The following TRHDE variants were observed in gnomAD, a reference collection of about 807,000 sequenced individuals.
TRHDE encodes thyrotropin-releasing hormone-degrading ectoenzyme.
In TRHDE, 72 loss-of-function variants were observed where a neutral mutation model predicts 125.7. The observed-to-expected ratio is 0.57, with a 90% CI of 0.47 to 0.70. TRHDE has a LOEUF of 0.70. Ranked by LOEUF, TRHDE falls within the 30% of genes least tolerant of loss-of-function variation. TRHDE has a pLI of 0.00. For synonymous variants in TRHDE, 509 were observed against 509.1 expected (o/e 1.00, Z 0.00); for missense variants, 1,110 against 1,327.1 (o/e 0.84, Z 2.54).
chr12:72,375,371 A>G (rs781477763), intron 2 of TRHDE, among the ~76,000 whole-genome samples: 1 of 152,170 alleles, frequency 6.6e-6, no homozygotes, highest in Admixed American at 6.6e-5. Context: ...TGTGCTGAAC[A>G]TGTATATGTT....
At chr12:72,561,607 A>T (rs1485677619) in intron 7 of TRHDE, among the ~76,000 whole-genome samples, 2 of 152,174 alleles carry the variant, frequency 1.3e-5, no homozygotes, top group Admixed American at 6.5e-5. Context: ...ACTTTTTCTT[A>T]TCAAATATTA....
chr12:72,211,515 T>A (rs528647643), intron 2 of TRHDE, among the ~76,000 whole-genome samples: 36 of 152,204 alleles, frequency 2.4e-4, no homozygotes, highest in Non-Finnish European at 4.3e-4. Context: ...AAGCTTTTGA[T>A]AATTTAATCA....
chr12:72,262,865 T>G (rs545575370), intron 2 of TRHDE: 2 of 152,098 alleles, frequency 1.3e-5, no homozygotes, highest in African/African-American at 2.4e-5. Flanking sequence ...CTTTTCCACA[T>G]TGAAAGATTA....
chr12:72,177,824 G>A (rs945076955), intron 2 of TRHDE, among the ~76,000 whole-genome samples: 4 of 151,976 alleles, frequency 2.6e-5, no homozygotes, highest in African/African-American at 9.7e-5. Flanking sequence ...ACTTATGAAA[G>A]TAATGATTGG....
At chr12:72,261,812 A>G (rs1878956782) in intron 2 of TRHDE, among the ~76,000 whole-genome samples, 1 of 152,234 alleles carries the variant, frequency 6.6e-6, no homozygotes, top group Non-Finnish European at 1.5e-5. Context: ...CTGGGAATTG[A>G]AAAATTCAAA....
intron 2 of TRHDE, among the ~76,000 whole-genome samples, chr12:72,208,074 G>C (rs913349451): frequency 6.6e-6 from 1 of 152,154 alleles, no homozygotes; most frequent in Admixed American, 6.5e-5. Context: ...TACTAGGCCT[G>C]TGTAAATCGT....
At chr12:72,391,834 A>G (rs1456760164) in intron 3 of TRHDE, among the ~76,000 whole-genome samples, 1 of 152,158 alleles carries the variant, frequency 6.6e-6, no homozygotes, top group Admixed American at 6.5e-5. Flanking sequence ...ATTTGGGCAT[A>G]ATTTCTTATA....
At chr12:72,488,843 CAG>C (rs1268794709) in intron 5 of TRHDE, among the ~76,000 whole-genome samples, 1 of 151,642 alleles carries the variant, frequency 6.6e-6, no homozygotes, top group African/African-American at 2.4e-5. Flanking sequence ...AAATCAATAA[CAG>C]ATAATTGTGA....
At chr12:72,263,344 T>C (rs964872117) in intron 2 of TRHDE, 2 of 150,554 alleles carry the variant, frequency 1.3e-5, no homozygotes, top group African/African-American at 4.9e-5. Context: ...TCAAAACTTT[T>C]TCATGGTCCC....
chr12:72,261,081 A>C lies in TRHDE; in HGVS notation n.280-116914A>C, dbSNP rs1180813757. On this transcript the variant is annotated intron_variant and non_coding_transcript_variant, in intron 2 of 4. Coordinates refer to the TRHDE transcript ENST00000548156. The stretch of plus-strand genomic sequence containing the variant: ...TTATGTATTTGAAATGCACAGTTTA[A>C]GAAAGATTTAGATTAAAATTTTAGA... Among the ~76,000 whole-genome samples, 4 of 152,332 alleles carry C rather than the reference A, an allele frequency of 2.6e-5. No individual in the cohort carries two copies. The East Asian group carries it at 7.7e-4, about 29-fold the overall frequency.
chr12:72,512,564 TATA>T (rs1477372125), intron 6 of TRHDE, among the ~76,000 whole-genome samples: 17 of 140,266 alleles, frequency 1.2e-4, no homozygotes, highest in African/African-American at 1.8e-4. Context: ...TCATATATAA[TATA>T]ATATATAATC....
At chr12:72,271,160 A>G (rs1198489831), upstream of TRHDE, among the ~76,000 whole-genome samples, 1 of 152,256 alleles carries the variant, frequency 6.6e-6, no homozygotes, top group Non-Finnish European at 1.5e-5. Flanking sequence ...TGGGGAAAAC[A>G]TCACCTTGCT....
rs143920164 is a variant in TRHDE at position 72,662,286 on chromosome 12, A to G, written c.3067-766A>G. On this transcript the variant is annotated intron_variant, in intron 18 of 18. Coordinates refer to ENST00000261180, the MANE Select transcript of TRHDE (RefSeq NM_013381.3). ...GCTTCTTAAGATATATCAAACAGAA[A>G]GGAAAAACTTCTGGTATTTAATCTT... 5.3e-5 allele frequency among the ~76,000 whole-genome samples: 8 copies of G among 152,314 alleles called. No individual in the cohort carries two copies. In the East Asian group the frequency reaches 1.5e-3, roughly 29 times the overall value.
intron 12 of TRHDE, among the ~76,000 whole-genome samples, chr12:72,595,727 T>A (rs940439399): frequency 6.6e-6 from 1 of 152,146 alleles, no homozygotes; most frequent in African/African-American, 2.4e-5. Flanking sequence ...AGATTCCCCA[T>A]CTCCAAAATG....
At chr12:72,502,238 A>G (rs749191124) in intron 6 of TRHDE, among the ~76,000 whole-genome samples, 1 of 151,990 alleles carries the variant, frequency 6.6e-6, no homozygotes, top group Non-Finnish European at 1.5e-5. Context: ...CCTAAGGTAG[A>G]AGCTGAGGTC....
In TRHDE at chr12:72,398,710, A is replaced by G. The variant is rs1872909872; in HGVS notation, c.1315+20589A>G. Among the ~76,000 whole-genome samples, 4 of 152,198 alleles carry G rather than the reference A, an allele frequency of 2.6e-5. No homozygotes were observed. In the South Asian group the frequency reaches 8.3e-4, roughly 32 times the overall value. ...GCAGAACAGCATTTTTAATAAATTA[A>G]ATCTTATTTGGGGTCCCTATGAAGA... is the stretch of plus-strand genomic sequence containing the variant. On this transcript the variant is annotated intron_variant, in intron 3 of 18. Transcript: ENST00000261180.
intron 7 of TRHDE, among the ~76,000 whole-genome samples, chr12:72,555,489 T>G (rs1458782038): frequency 6.6e-6 from 1 of 152,174 alleles, no homozygotes; most frequent in Non-Finnish European, 1.5e-5. Context: ...ATTATACCTT[T>G]TCATCTTTGA....
intron 2 of TRHDE, among the ~76,000 whole-genome samples, chr12:72,298,348 T>A (rs929791117): frequency 1.3e-5 from 2 of 152,180 alleles, no homozygotes; most frequent in African/African-American, 4.8e-5. Context: ...GAATTTTGGG[T>A]GACTGCAGAG....
At chr12:72,345,859 G>C (rs1371805833) in intron 2 of TRHDE, among the ~76,000 whole-genome samples, 1 of 148,410 alleles carries the variant, frequency 6.7e-6, no homozygotes, top group East Asian at 2.5e-4. Context: ...TCTGGAGCCA[G>C]ATCACAGAGT....
Sources: allele counts gnomAD v4.1 joint callset (sites outside exome capture counted in the v4.1 genomes callset), GRCh38; gene constraint gnomAD v4.1.1; transcripts MANE v1.5; gene names NCBI Gene and HGNC (gene_info 2026-07-23, HGNC 2026-07-21).